The following ANK3 variants were observed in gnomAD, a reference collection of about 807,000 sequenced individuals.
ANK3 encodes ankyrin-3.
In ANK3, 57 loss-of-function variants were observed where a neutral mutation model predicts 370.9. That is an observed-to-expected ratio of 0.15 (90% CI 0.12 to 0.19). ANK3 has a LOEUF of 0.19. Among genes scored for constraint, ANK3 ranks in the 10% least tolerant of loss-of-function variants. The pLI is 1.00. For missense variants in ANK3, 4,439 were observed against 5,302.1 expected, an observed-to-expected ratio of 0.84 and a Z score of 5.06; for synonymous variants, 1,929 against 1,946.3, an observed-to-expected ratio of 0.99 and a Z score of 0.23.
At chr10:60,333,214 T>C (rs1399094477) in intron 1 of ANK3, among the ~76,000 whole-genome samples, 6 of 152,134 alleles carry the variant, frequency 3.9e-5, no homozygotes, top group Non-Finnish European at 7.4e-5. Context: ...GGTTGTTACA[T>C]AGGTATACAC....
intron 2 of ANK3, among the ~76,000 whole-genome samples, chr10:60,586,227 G>C (rs2077829681): frequency 6.6e-6 from 1 of 152,128 alleles, no homozygotes; most frequent in African/African-American, 2.4e-5. Context: ...AAATGGATAA[G>C]AAAGAATTTT....
intron 23 of ANK3, among the ~76,000 whole-genome samples, chr10:60,155,917 C>T (rs1438934626): frequency 6.6e-6 from 1 of 152,242 alleles, no homozygotes; most frequent in South Asian, 2.1e-4. Context: ...GAAGGCTGCA[C>T]TATTGGTTTT....
In ANK3 at chr10:60,027,002, C is replaced by A. The variant is rs1389378638; in HGVS notation, c.*2844G>T. The A allele has an allele frequency of 4.6e-5, 7 of 152,116 alleles. No homozygotes were observed. Among genetic ancestry groups the A allele is most frequent in the Non-Finnish European group, 5.9e-5 (4 of 68,024 alleles). 9.4% of individuals were successfully genotyped at this position (152,116 alleles called of 1,614,324 possible). A position where few individuals can be genotyped will look rare whatever the true frequency, so the allele number is the denominator to read the frequency against. Reference sequence around the variant, plus strand: ...ATACATGTATAAATATATGCATATACACACATATGCAAGTTAAATCTTGAA... The same window carrying A: ...ATACATGTATAAATATATGCATATAAACACATATGCAAGTTAAATCTTGAA... On this transcript the variant is annotated 3_prime_UTR_variant, in exon 44 of 44. Transcript: ENST00000280772.
At position 60,181,309 on chromosome 10, in the gene ANK3, G is replaced by C. The variant is rs183142692; in HGVS notation, c.2184+20C>G. On this transcript the variant is annotated intron_variant, in intron 18 of 43. Transcript: ENST00000280772. ...CAAATGGACACATTCTTTTCCGTGT[G>C]GCAAGGGAGGGCCGTATACCTTTGT... The C allele has an allele frequency of 2.1e-5, 34 of 1,607,002 alleles. No homozygotes were observed. Among genetic ancestry groups the C allele is most frequent in the Admixed American group, 3.3e-5 (2 of 59,966 alleles).
intron 2 of ANK3, among the ~76,000 whole-genome samples, chr10:60,428,972 T>C (rs1392110233): frequency 6.6e-6 from 1 of 152,186 alleles, no homozygotes; most frequent in Admixed American, 6.5e-5. Context: ...TTATTTTAAA[T>C]GTCTATGTGT....
intron 23 of ANK3, among the ~76,000 whole-genome samples, chr10:60,157,497 G>A (rs902539245): frequency 6.6e-6 from 1 of 151,888 alleles, no homozygotes; most frequent in African/African-American, 2.4e-5. Context: ...ACCATGGCCA[G>A]CTAATTTATT....
At chr10:60,124,382 G>C (rs567368852) in intron 25 of ANK3, among the ~76,000 whole-genome samples, 52 of 152,016 alleles carry the variant, frequency 3.4e-4, no homozygotes, top group African/African-American at 1.2e-3. Context: ...CACCATGTTG[G>C]CCAGGCAGGT....
chr10:60,714,042 T>C (rs780082115), intron 1 of ANK3, among the ~76,000 whole-genome samples: 14 of 151,886 alleles, frequency 9.2e-5, no homozygotes, highest in Non-Finnish European at 1.6e-4. Context: ...ACTCATATCA[T>C]AAATAAAAGA....
chr10:60,339,438 T>G (rs994600510), intron 1 of ANK3, among the ~76,000 whole-genome samples: 1 of 152,186 alleles, frequency 6.6e-6, no homozygotes, highest in Non-Finnish European at 1.5e-5. Context: ...AATCCTCTCA[T>G]ATGGTCTCTG....
At chr10:60,225,871 A>T (rs1217076984) in intron 8 of ANK3, among the ~76,000 whole-genome samples, 1 of 151,176 alleles carries the variant, frequency 6.6e-6, no homozygotes, top group African/African-American at 2.4e-5. Flanking sequence ...TTGAAACATT[A>T]TATATATCAT....
upstream of ANK3, among the ~76,000 whole-genome samples, chr10:60,391,291 C>A (rs1800408738): frequency 6.6e-6 from 1 of 152,144 alleles, no homozygotes; most frequent in Non-Finnish European, 1.5e-5. Context: ...CACAAACTAT[C>A]TTCATGAAGA....
intron 2 of ANK3, among the ~76,000 whole-genome samples, chr10:60,406,488 T>C (rs1447381239): frequency 6.6e-6 from 1 of 152,162 alleles, no homozygotes; most frequent in Non-Finnish European, 1.5e-5. Flanking sequence ...GCGATCTAGA[T>C]CCCTCACATG....
chr10:60,511,811 G>A (rs184487615), intron 2 of ANK3, among the ~76,000 whole-genome samples: 9 of 150,258 alleles, frequency 6.0e-5, no homozygotes, highest in African/African-American at 2.2e-4. Flanking sequence ...TTTTTAAGGA[G>A]AGGAGACTTT....
chr10:60,207,106 C>A (rs1255785604), intron 10 of ANK3, among the ~76,000 whole-genome samples: 1 of 152,180 alleles, frequency 6.6e-6, no homozygotes, highest in East Asian at 1.9e-4. Context: ...CTGGGTGGGT[C>A]AACAGACTGA....
intron 2 of ANK3, among the ~76,000 whole-genome samples, chr10:60,595,211 T>C (rs150180943): frequency 2.3e-3 from 353 of 152,196 alleles, no homozygotes; most frequent in African/African-American, 7.6e-3. Flanking sequence ...AGCTAACTTA[T>C]CAAGATAGGA....
At chr10:60,287,870 G>T (rs1041381633) in intron 1 of ANK3, among the ~76,000 whole-genome samples, 5 of 152,078 alleles carry the variant, frequency 3.3e-5, no homozygotes, top group African/African-American at 1.2e-4. Context: ...CTTCAGTTTC[G>T]CCCCCAATAG....
At chr10:60,578,542 G>C (rs937523787) in intron 2 of ANK3, among the ~76,000 whole-genome samples, 1 of 152,126 alleles carries the variant, frequency 6.6e-6, no homozygotes, top group Non-Finnish European at 1.5e-5. Flanking sequence ...CCCTTGCTTT[G>C]TAAAAGGTAA....
intron 2 of ANK3, among the ~76,000 whole-genome samples, chr10:60,411,235 A>G (rs1267683754): frequency 1.3e-5 from 2 of 152,352 alleles, no homozygotes; most frequent in East Asian, 3.9e-4. Context: ...AGAATTAGGA[A>G]GAGGAGGGAC....
intron 1 of ANK3, among the ~76,000 whole-genome samples, chr10:60,648,767 T>TAAAAAAAA (rs796546062): frequency 1.6e-4 from 18 of 112,248 alleles, no homozygotes; most frequent in African/African-American, 5.8e-4. Context: ...AAGACTGTCT[T>TAAAAAAAA]AAAAAAAAAA....
Sources: gnomAD v4.1 joint callset for allele counts (sites outside exome capture counted in the v4.1 genomes callset) on GRCh38, gnomAD v4.1.1 for gene constraint, MANE v1.5 for transcripts, NCBI Gene and HGNC (gene_info 2026-07-23, HGNC 2026-07-21) for gene names.